Variants in TECRL observed in about 807,000 individuals in gnomAD.
TECRL encodes trans-2,3-enoyl-CoA reductase like, also known as trans-2,3-enoyl-CoA reductase-like.
A neutral mutation model predicts 52.8 loss-of-function variants in TECRL; 63 were observed. The observed-to-expected ratio is 1.19, with a 90% CI of 0.97 to 1.47. The LOEUF is 1.47. Among genes scored for constraint, TECRL ranks in the 40% most tolerant of loss-of-function variants. The pLI is 0.00. For synonymous variants in TECRL, 164 were observed against 141.9 expected, an observed-to-expected ratio of 1.16 and a Z score of -1.10; for missense variants, 482 against 429.6, an observed-to-expected ratio of 1.12 and a Z score of -1.08.
intron 1 of TECRL, among the ~76,000 whole-genome samples, chr4:64,399,816 A>T (rs767488623): frequency 2.1e-4 from 32 of 152,126 alleles, no homozygotes; most frequent in Non-Finnish European, 4.0e-4. Context: ...GTCCAAGCAA[A>T]AGCCTGATGG....
chr4:64,395,447 C>A (rs2170695), intron 1 of TECRL, among the ~76,000 whole-genome samples: 1 of 151,454 alleles, frequency 6.6e-6, no homozygotes, highest in African/African-American at 2.4e-5. Context: ...ACAACTAACA[C>A]GATCACAATG....
chr4:64,338,491 C>A (rs112440873), intron 2 of TECRL, among the ~76,000 whole-genome samples: 5 of 151,908 alleles, frequency 3.3e-5, no homozygotes, highest in Admixed American at 6.6e-5. Flanking sequence ...CAGAGTCAAC[C>A]GGCAACCTAC....
chr4:64,338,382 C>A (rs761423464), intron 2 of TECRL, among the ~76,000 whole-genome samples: 29 of 152,172 alleles, frequency 1.9e-4, no homozygotes, highest in African/African-American at 6.8e-4. Flanking sequence ...GCAAAGACTT[C>A]ATCTCTAAAA....
chr4:64,388,574 T>A (rs1478087849), intron 1 of TECRL, among the ~76,000 whole-genome samples: 1 of 151,846 alleles, frequency 6.6e-6, no homozygotes, highest in Non-Finnish European at 1.5e-5. Flanking sequence ...TTGCTGGGAT[T>A]TTAGTAGGGA....
rs148442292 is a variant in TECRL, at chr4:64,409,319, T to A, written c.33A>T (p.Glu11Asp). The A allele has an allele frequency of 5.3e-4, 851 of 1,613,636 alleles. 1 individual carries two copies. The highest frequency in any genetic ancestry group is 1.6e-3 in the Admixed American group (93 of 59,980). ...TTTGGGAAAGTAATGCTCTCTTGCG[T>A]TCCGAAGCGAGGGACTTGTGCCTTT... MFKRHKSLAS[E>D]RKRALLSQRA... The change falls in exon 1 of 12, where the codon GAA becomes GAT. Residue 11 changes from glutamate to aspartate, a missense_variant. Glu to Asp is a conservative substitution (Grantham distance 45). Coordinates refer to ENST00000381210, the MANE Select transcript of TECRL (RefSeq NM_001010874.5).
intron 5 of TECRL, 61 bp from the exon 6 acceptor site, chr4:64,309,992 C>T (rs780620205): frequency 1.9e-6 from 2 of 1,049,968 alleles, no homozygotes; most frequent in Non-Finnish European, 2.8e-6. Flanking sequence ...TTGCCTCATG[C>T]ATGATACATT....
chr4:64,342,395 T>A (rs1189934364), intron 2 of TECRL, among the ~76,000 whole-genome samples: 1 of 151,758 alleles, frequency 6.6e-6, no homozygotes, highest in Non-Finnish European at 1.5e-5. Flanking sequence ...GCATGGCCTT[T>A]TTTAGAAGAA....
chr4:64,334,167 A>G (rs530042864), intron 2 of TECRL, among the ~76,000 whole-genome samples: 1 of 152,216 alleles, frequency 6.6e-6, no homozygotes, highest in South Asian at 2.1e-4. Flanking sequence ...AGGGGCAGGC[A>G]CATGAATTCT....
rs1237819271 is a variant in TECRL at position 64,280,312 on chromosome 4, A to C, written c.965-113T>G. 1.4e-5 allele frequency: 12 copies of C among 885,768 alleles called. No homozygotes were observed. In the African/African-American group the frequency reaches 2.1e-4, roughly 15 times the overall value. 54.9% of individuals were successfully genotyped at this position (885,768 alleles called of 1,614,324 possible). ...TAAGATGTTTCTCAAATGTTGCATAATTTCTTATCAATTTTCATTATTCAT... is the reference window on the plus strand; with the variant it reads ...TAAGATGTTTCTCAAATGTTGCATACTTTCTTATCAATTTTCATTATTCAT... On this transcript the variant is annotated intron_variant, in intron 11 of 11. Coordinates refer to ENST00000381210, the MANE Select transcript of TECRL (RefSeq NM_001010874.5).
chr4:64,340,780 T>C (rs573287196), intron 2 of TECRL, among the ~76,000 whole-genome samples: 11 of 152,296 alleles, frequency 7.2e-5, no homozygotes, highest in African/African-American at 2.6e-4. Flanking sequence ...GCTGCCAGTC[T>C]CACAGACTGG....
At position 64,325,685 on chromosome 4, in the gene TECRL, A is replaced by C. The variant is rs1718214847; in HGVS notation, c.331+2827T>G. On this transcript the variant is annotated intron_variant, in intron 3 of 11. Transcript: ENST00000381210. ...AAGAAAATGTTAAAAAGGACAAAAAATTCAGCTGGCTTTGTATCACTTGAA... is the reference window on the plus strand; with the variant it reads ...AAGAAAATGTTAAAAAGGACAAAAACTTCAGCTGGCTTTGTATCACTTGAA... 1.3e-5 allele frequency among the ~76,000 whole-genome samples: 2 copies of C among 152,150 alleles called. 1 individual carries two copies. The highest frequency in any genetic ancestry group is 4.1e-4 in the South Asian group (2 of 4,834).
intron 2 of TECRL, among the ~76,000 whole-genome samples, chr4:64,360,088 T>C (rs973708115): frequency 6.6e-6 from 1 of 152,182 alleles, no homozygotes; most frequent in Non-Finnish European, 1.5e-5. Flanking sequence ...TAAGTAACCA[T>C]ATGTTCAAAG....
chr4:64,344,310 AT>A (rs1717256884), intron 2 of TECRL, among the ~76,000 whole-genome samples: 1 of 152,026 alleles, frequency 6.6e-6, no homozygotes, highest in African/African-American at 2.4e-5. Context: ...CATCTATCAA[AT>A]TTTATTGATA....
In TECRL at chr4:64,280,187, G is replaced by A; in HGVS notation, c.977C>T (p.Thr326Ile). 6.6e-7 allele frequency: 1 copy of A among 1,509,578 alleles called. No individual in the cohort carries two copies. Among genetic ancestry groups the A allele is most frequent in the Non-Finnish European group, 8.8e-7 (1 of 1,130,614 alleles). 93.5% of individuals were successfully genotyped at this position (1,509,578 alleles called of 1,614,324 possible). ...AGACATCTGGATACTCATCAGAAGTGTAAAAATTCCAACTAGAAGAAAAAA... is the reference window on the plus strand; with the variant it reads ...AGACATCTGGATACTCATCAGAAGTATAAAAATTCCAACTAGAAGAAAAAA... ...MTQTLPVGIF[T>I]LLMSIQMSLW... Residue 326 changes from threonine (T) to isoleucine (I), a missense_variant, in exon 12 of 12, where the codon ACA becomes ATA. By Grantham distance (89) the Thr-to-Ile change is moderately conservative. Transcript: ENST00000381210.
At chr4:64,399,486 C>T (rs1290617206) in intron 1 of TECRL, among the ~76,000 whole-genome samples, 2 of 152,130 alleles carry the variant, frequency 1.3e-5, no homozygotes, top group African/African-American at 2.4e-5. Flanking sequence ...GTGCTGATAG[C>T]CAAGACAATG....
At chr4:64,340,562 C>G (rs926706084) in intron 2 of TECRL, among the ~76,000 whole-genome samples, 1 of 152,222 alleles carries the variant, frequency 6.6e-6, no homozygotes, top group African/African-American at 2.4e-5. Context: ...GCTCTAGCCC[C>G]CTCTGGACTT....
intron 2 of TECRL, among the ~76,000 whole-genome samples, chr4:64,345,291 A>C (rs532725105): frequency 6.6e-6 from 1 of 152,120 alleles, no homozygotes; most frequent in Non-Finnish European, 1.5e-5. Context: ...GCAAAGACTT[A>C]GAACCAACCC....
At chr4:64,300,163 C>G in intron 7 of TECRL, 146 bp from the exon 8 acceptor site, 1 of 468,174 alleles carries the variant, frequency 2.1e-6, no homozygotes, top group Non-Finnish European at 3.7e-6. Context: ...TGGGATGATA[C>G]TTTTGCAATC....
intron 2 of TECRL, among the ~76,000 whole-genome samples, chr4:64,336,858 C>A (rs2110063935): frequency 6.6e-6 from 1 of 152,270 alleles, no homozygotes; most frequent in East Asian, 1.9e-4. Flanking sequence ...TTTGATTGCA[C>A]TGTGGTCTGA....
Sources: allele counts gnomAD v4.1 joint callset (sites outside exome capture counted in the v4.1 genomes callset), GRCh38; gene constraint gnomAD v4.1.1; transcripts MANE v1.5; gene names NCBI Gene and HGNC (gene_info 2026-07-23, HGNC 2026-07-21).